Variants in GLCE observed in about 807,000 individuals in gnomAD.
The protein encoded by GLCE is D-glucuronyl C5-epimerase.
A neutral mutation model predicts 47.9 loss-of-function variants in GLCE; 19 were observed. The observed-to-expected ratio is 0.40, with a 90% CI of 0.28 to 0.58. The LOEUF (loss-of-function observed/expected upper bound fraction) is 0.58, where lower values mean the gene tolerates loss of function less well. Ranked by LOEUF, GLCE falls within the 20% of genes least tolerant of loss-of-function variation. GLCE has a pLI of 0.48. For synonymous variants in GLCE, 245 were observed against 263.4 expected (o/e 0.93, Z 0.68); for missense variants, 556 against 743.3 (o/e 0.75, Z 2.93).
chr15:69,253,896 A>G (rs1332749367), intron 2 of GLCE, among the ~76,000 whole-genome samples: 1 of 152,240 alleles, frequency 6.6e-6, no homozygotes, highest in Non-Finnish European at 1.5e-5. Context: ...TAGAAAGAAA[A>G]TAATATGCAA....
chr15:69,195,452 GTGTT>G (rs1186067672), intron 1 of GLCE, among the ~76,000 whole-genome samples: 2 of 152,028 alleles, frequency 1.3e-5, no homozygotes, highest in South Asian at 2.1e-4. Flanking sequence ...GTGTGTGTGT[GTGTT>G]TGTGTGTATT....
intron 1 of GLCE, among the ~76,000 whole-genome samples, chr15:69,205,177 T>C (rs996512852): frequency 2.0e-5 from 3 of 151,382 alleles, no homozygotes; most frequent in Admixed American, 2.0e-4. Flanking sequence ...CACCCCTCAA[T>C]ACCTGGTAAC....
chr15:69,241,886 A>C lies in GLCE; in HGVS notation c.-13-13908A>C, dbSNP rs527338777. On this transcript the variant is annotated intron_variant, in intron 2 of 4. Coordinates refer to ENST00000261858, the MANE Select transcript of GLCE (RefSeq NM_015554.3). ...AATTAATCATCAGAATCACTTGTGTAAGACTTTGAAATGTCTTTTCCCCGT... is the reference window on the plus strand; with the variant it reads ...AATTAATCATCAGAATCACTTGTGTCAGACTTTGAAATGTCTTTTCCCCGT... Among the ~76,000 whole-genome samples the C allele has an allele frequency of 3.3e-5, 5 of 152,288 alleles. No homozygotes were observed. In the South Asian group the frequency reaches 1.0e-3, roughly 32 times the overall value.
chr15:69,267,038 G>C (rs1370066861), intron 4 of GLCE, among the ~76,000 whole-genome samples: 1 of 141,132 alleles, frequency 7.1e-6, no homozygotes, highest in African/African-American at 2.7e-5. Flanking sequence ...TTTGTACTAC[G>C]TATATTTTTG....
intron 1 of GLCE, among the ~76,000 whole-genome samples, chr15:69,169,110 A>C (rs751079182): frequency 6.6e-6 from 1 of 152,138 alleles, no homozygotes; most frequent in Non-Finnish European, 1.5e-5. Context: ...TCATTCTTTT[A>C]TGTCTAATTT....
chr15:69,251,379 T>A (rs1349540392), intron 2 of GLCE, among the ~76,000 whole-genome samples: 1 of 152,196 alleles, frequency 6.6e-6, no homozygotes, highest in Non-Finnish European at 1.5e-5. Flanking sequence ...AAGTTTAATC[T>A]TTTTCTTCTT....
intron 1 of GLCE, among the ~76,000 whole-genome samples, chr15:69,206,231 T>G (rs1876211921): frequency 6.6e-6 from 1 of 152,074 alleles, no homozygotes; most frequent in South Asian, 2.1e-4. Context: ...TTCTTGTGAT[T>G]AGACTGAGGT....
At chr15:69,206,549 A>G (rs934628975) in intron 1 of GLCE, among the ~76,000 whole-genome samples, 2 of 152,042 alleles carry the variant, frequency 1.3e-5, no homozygotes, top group African/African-American at 4.8e-5. Flanking sequence ...ATCAATATGT[A>G]TACTTATTTT....
chr15:69,167,831 T>G (rs72754381), intron 1 of GLCE, among the ~76,000 whole-genome samples: 5,180 of 151,894 alleles, frequency 0.034, 268 homozygotes, highest in East Asian at 0.22. Flanking sequence ...AAGTTTTTTT[T>G]TTTTTTTTTT....
At chr15:69,199,804 T>C (rs966577587) in intron 1 of GLCE, among the ~76,000 whole-genome samples, 27 of 152,136 alleles carry the variant, frequency 1.8e-4, no homozygotes, top group African/African-American at 6.3e-4. Context: ...TTAATTGGTA[T>C]GGGTTAGAAC....
intron 1 of GLCE, among the ~76,000 whole-genome samples, chr15:69,179,982 G>GTC (rs1470544036): frequency 1.3e-5 from 2 of 152,040 alleles, no homozygotes; most frequent in Admixed American, 6.6e-5. Flanking sequence ...GTGAGACTCT[G>GTC]TCTCAAAAAC....
At chr15:69,227,543 A>G (rs1418725538) in intron 2 of GLCE, among the ~76,000 whole-genome samples, 5 of 152,132 alleles carry the variant, frequency 3.3e-5, no homozygotes, top group African/African-American at 7.2e-5. Flanking sequence ...AAAAAATTAG[A>G]TAATCTTTTT....
chr15:69,181,530 T>A (rs1253537805), intron 1 of GLCE, among the ~76,000 whole-genome samples: 1 of 152,172 alleles, frequency 6.6e-6, no homozygotes, highest in Non-Finnish European at 1.5e-5. Context: ...GAGGGAGTAA[T>A]GAACCCCTTG....
intron 2 of GLCE, among the ~76,000 whole-genome samples, chr15:69,224,177 A>G (rs1047898696): frequency 6.6e-6 from 1 of 152,202 alleles, no homozygotes; most frequent in African/African-American, 2.4e-5. Context: ...TTAATGTGCT[A>G]AGTCTGGAAA....
intron 2 of GLCE, among the ~76,000 whole-genome samples, chr15:69,243,169 C>T (rs2052699916): frequency 6.6e-6 from 1 of 151,738 alleles, no homozygotes; most frequent in Non-Finnish European, 1.5e-5. Flanking sequence ...TAAGATTTTC[C>T]TACAAAAGTA....
chr15:69,165,236 C>T (rs908651431), intron 1 of GLCE, among the ~76,000 whole-genome samples: 1 of 152,126 alleles, frequency 6.6e-6, no homozygotes, highest in Non-Finnish European at 1.5e-5. Context: ...GCTGTCTCTC[C>T]CTGCCCTTCT....
chr15:69,230,236 A>G (rs552501477), intron 2 of GLCE, among the ~76,000 whole-genome samples: 1 of 151,940 alleles, frequency 6.6e-6, no homozygotes, highest in Non-Finnish European at 1.5e-5. Flanking sequence ...AACGAAAAGT[A>G]AACAGATGAA....
At chr15:69,166,996 A>C (rs182790306) in intron 1 of GLCE, among the ~76,000 whole-genome samples, 374 of 150,368 alleles carry the variant, frequency 2.5e-3, no homozygotes, top group Non-Finnish European at 3.9e-3. Flanking sequence ...CAGGTGGATC[A>C]CTTGAGTTCA....
chr15:69,210,740 G>C (rs371326085), intron 2 of GLCE, among the ~76,000 whole-genome samples: 7 of 152,092 alleles, frequency 4.6e-5, no homozygotes, highest in African/African-American at 1.7e-4. Context: ...TGTTTGCCTA[G>C]AGCAGGAGTC....
Sources: gnomAD v4.1 joint callset for allele counts (sites outside exome capture counted in the v4.1 genomes callset) on GRCh38, gnomAD v4.1.1 for gene constraint, MANE v1.5 for transcripts, NCBI Gene and HGNC (gene_info 2026-07-23, HGNC 2026-07-21) for gene names.